The following ANKRD60 variants were observed in gnomAD, a reference collection of about 807,000 sequenced individuals.
ANKRD60 encodes ankyrin repeat domain 60, also known as ankyrin repeat domain-containing protein 60.
A neutral mutation model predicts 21.3 loss-of-function variants in ANKRD60; 24 were observed. The observed-to-expected ratio is 1.13, with a 90% CI of 0.82 to 1.59. ANKRD60 has a LOEUF of 1.59. Ranked by LOEUF, ANKRD60 falls within the 40% of genes most tolerant of loss-of-function variation. The pLI, the probability that ANKRD60 is intolerant of heterozygous loss-of-function variation, is 0.00. For missense variants in ANKRD60, 490 were observed against 466.7 expected (o/e 1.05, Z -0.46); for synonymous variants, 182 against 199.4 (o/e 0.91, Z 0.74).
chr20:58,218,513 C>T (rs965574284), exon 4 of ANKRD60: 1 of 1,551,170 alleles, frequency 6.4e-7, no homozygotes, highest in Admixed American at 2.0e-5. Context: ...GGGTCATCGT[C>T]ATCTTCTCAG....
chr20:58,219,034 T>C (rs772671059), intron 3 of ANKRD60, among the ~76,000 whole-genome samples: 1 of 152,124 alleles, frequency 6.6e-6, no homozygotes, highest in East Asian at 1.9e-4. Context: ...TGTGGGGTGA[T>C]GTTCTAGGTC....
rs573814712 is a variant in ANKRD60, at chr20:58,228,303, G to A, written c.351C>T (p.Thr117=). The A allele has an allele frequency of 1.3e-5, 20 of 1,551,236 alleles. No individual in the cohort carries two copies. In the South Asian group the frequency reaches 2.0e-4, roughly 16 times the overall value. Residue 117 remains threonine, a synonymous_variant, in exon 1 of 4, where the codon ACC becomes ACT. Coordinates refer to ENST00000457363, the Ensembl canonical transcript of ANKRD60. This position sits in a 1 kb window ranked among gnomAD's most constrained non-coding sequence, Gnocchi z 5.3. Reference sequence around the variant, plus strand: ...CCAGCTCCTCTTTGAGCTCCCGCACGGTCATGTCGCCGCGGCAGTTTGCCA... The same window carrying A: ...CCAGCTCCTCTTTGAGCTCCCGCACAGTCATGTCGCCGCGGCAGTTTGCCA...
In ANKRD60 at chr20:58,221,266, C is replaced by A; in HGVS notation, c.727+72G>T. ...ACCACTGCTGGAAGGACTGGGAACA[C>A]AAGACACTCTGTCCTTTCTACCTGC... On this transcript the variant is annotated intron_variant, in intron 3 of 3. Transcript: ENST00000457363. 4.1e-6 allele frequency: 6 copies of A among 1,470,800 alleles called. No individual in the cohort carries two copies. In the South Asian group the frequency reaches 7.7e-5, roughly 19 times the overall value. 91.1% of individuals were successfully genotyped at this position (1,470,800 alleles called of 1,614,324 possible). A position where few individuals can be genotyped will look rare whatever the true frequency, so the allele number is the denominator to read the frequency against.
intron 3 of ANKRD60, among the ~76,000 whole-genome samples, chr20:58,220,333 G>A (rs550913): frequency 0.82 from 124,869 of 152,148 alleles, 52,723 homozygotes; most frequent in Middle Eastern, 0.92. Flanking sequence ...TCTCCACTCC[G>A]CATTGAGTGG....
chr20:58,225,523 G>C (rs1984346335), intron 1 of ANKRD60, among the ~76,000 whole-genome samples: 1 of 152,168 alleles, frequency 6.6e-6, no homozygotes. Flanking sequence ...AGGTATTTTG[G>C]CCTTCACTGT....
chr20:58,221,671 A>G (rs1017553414), intron 2 of ANKRD60, among the ~76,000 whole-genome samples, 168 bp from the exon 3 acceptor site: 3 of 152,224 alleles, frequency 2.0e-5, no homozygotes, highest in Non-Finnish European at 2.9e-5. Flanking sequence ...CACCCAGGAC[A>G]GCATGGGGAG....
chr20:58,223,059 G>T (rs1478630695), exon 2 of ANKRD60: 1 of 1,547,302 alleles, frequency 6.5e-7, no homozygotes, highest in Admixed American at 2.0e-5. Context: ...CACCTTGCTG[G>T]GATCCCCTTC....
At chr20:58,217,600 G>A (rs914387247), downstream of ANKRD60, among the ~76,000 whole-genome samples, 2 of 151,818 alleles carry the variant, frequency 1.3e-5, no homozygotes, top group African/African-American at 2.4e-5. Context: ...TATTTCCCAC[G>A]CCCAGCTCAC....
chr20:58,221,634 T>G, intron 2 of ANKRD60, 131 bp from the exon 3 acceptor site: 2 of 1,033,834 alleles, frequency 1.9e-6, no homozygotes, highest in Non-Finnish European at 2.8e-6. Context: ...AAAAGAGAGG[T>G]GCAAACCCTC....
At chr20:58,218,275 G>C (rs552907425), downstream of ANKRD60, among the ~76,000 whole-genome samples, 2 of 152,212 alleles carry the variant, frequency 1.3e-5, no homozygotes, top group Non-Finnish European at 2.9e-5. Flanking sequence ...GCTGGCATTA[G>C]AGCCTGTTCA....
chr20:58,220,887 C>T (rs1984236942), intron 3 of ANKRD60, among the ~76,000 whole-genome samples: 1 of 152,164 alleles, frequency 6.6e-6, no homozygotes, highest in Non-Finnish European at 1.5e-5. Flanking sequence ...CCCGCCTCAG[C>T]CTTCCAAAGT....
chr20:58,218,421 C>T (rs1984174986), downstream of ANKRD60: 1 of 1,421,352 alleles, frequency 7.0e-7, no homozygotes, highest in African/African-American at 1.4e-5. Flanking sequence ...CCCTGCTCAC[C>T]AAGGGCCCCC....
intron 3 of ANKRD60, 60 bp from the exon 4 acceptor site, chr20:58,218,865 C>G: frequency 6.9e-7 from 1 of 1,452,796 alleles, no homozygotes; most frequent in Non-Finnish European, 9.1e-7. Context: ...CAGGAGGGGT[C>G]CAGGGCTGTG....
intron 1 of ANKRD60, among the ~76,000 whole-genome samples, chr20:58,226,753 G>T (rs756407585): frequency 4.6e-5 from 7 of 152,116 alleles, no homozygotes; most frequent in Non-Finnish European, 8.8e-5. Context: ...AGGGGATTTG[G>T]GTTCTGGTAT....
At chr20:58,222,710 G>A (rs560900818) in intron 2 of ANKRD60, among the ~76,000 whole-genome samples, 278 of 152,332 alleles carry the variant, frequency 1.8e-3, no homozygotes, top group African/African-American at 6.3e-3. Context: ...TGAGCTGTAC[G>A]CTTCTCAGTT....
chr20:58,218,427 C>G (rs1472926227), downstream of ANKRD60: 1 of 1,441,562 alleles, frequency 6.9e-7, no homozygotes, highest in East Asian at 2.5e-5. Context: ...TCACCAAGGG[C>G]CCCCATGGGA....
At chr20:58,225,786 A>C (rs186186051) in intron 1 of ANKRD60, among the ~76,000 whole-genome samples, 1 of 152,310 alleles carries the variant, frequency 6.6e-6, no homozygotes, top group Non-Finnish European at 1.5e-5. Flanking sequence ...GATTTTTTCT[A>C]TATCTTCATT....
intron 1 of ANKRD60, among the ~76,000 whole-genome samples, chr20:58,226,419 T>C (rs1984364502): frequency 2.0e-5 from 3 of 152,160 alleles, no homozygotes; most frequent in Admixed American, 2.0e-4. Context: ...TTCATGGTGA[T>C]AAAATCTGCT....
chr20:58,218,757 A>G, exon 4 of ANKRD60: 1 of 1,551,240 alleles, frequency 6.4e-7, no homozygotes, highest in Middle Eastern at 1.7e-4. Flanking sequence ...AGCTGCAGCC[A>G]CATGCAGGGG....
Sources: allele counts gnomAD v4.1 joint callset (sites outside exome capture counted in the v4.1 genomes callset), GRCh38; gene constraint gnomAD v4.1.1; non-coding constraint Gnocchi (gnomAD v3.1); transcripts MANE v1.5; gene names NCBI Gene and HGNC (gene_info 2026-07-23, HGNC 2026-07-21).